Variants in DCBLD1 observed in about 807,000 individuals in gnomAD.
The protein encoded by DCBLD1 is discoidin, CUB and LCCL domain-containing protein 1.
DCBLD1 carries 57 observed loss-of-function variants against 71.5 expected under a neutral mutation model. That is an observed-to-expected ratio of 0.80 (90% CI 0.64 to 0.99). The LOEUF (loss-of-function observed/expected upper bound fraction) is 0.99. Among genes scored for constraint, DCBLD1 ranks in the 50% least tolerant of loss-of-function variants. The pLI, the probability that DCBLD1 is intolerant of heterozygous loss-of-function variation, is 0.00. For missense variants in DCBLD1, 891 were observed against 923.5 expected (o/e 0.96, Z 0.46); for synonymous variants, 380 against 363.8 (o/e 1.04, Z -0.51).
chr6:117,488,198 G>A (rs1452469859), intron 1 of DCBLD1, among the ~76,000 whole-genome samples: 1 of 152,202 alleles, frequency 6.6e-6, no homozygotes, highest in African/African-American at 2.4e-5. Flanking sequence ...GCACATAGCA[G>A]GCTCCGGGTA....
At position 117,543,152 on chromosome 6, in the gene DCBLD1, A is replaced by G. The variant is rs1049259750; in HGVS notation, c.1386A>G (p.Pro462=). The G allele has an allele frequency of 1.2e-6, 2 of 1,613,996 alleles. No individual in the cohort carries two copies. The highest frequency in any genetic ancestry group is 2.7e-5 in the African/African-American group (2 of 74,916). Residue 462 remains proline (P), a synonymous_variant, in exon 12 of 15, where the codon CCA becomes CCG. Coordinates refer to ENST00000338728, the MANE Select transcript of DCBLD1 (RefSeq NM_001366458.2). ...TAAACATTACAACGGTGGCTATTCC[A>G]TTGGTGCTCCTTGTTGTCCTGGTGT... The part of the protein sequence containing the change: ...TGINITTVAI[P]LVLLVVLVFA...
chr6:117,502,454 T>A (rs571395548), intron 1 of DCBLD1, among the ~76,000 whole-genome samples: 1 of 152,328 alleles, frequency 6.6e-6, no homozygotes, highest in East Asian at 1.9e-4. Context: ...TCAAATCTTT[T>A]TCTTTTTTCT....
At chr6:117,486,900 C>T (rs1050560530) in intron 1 of DCBLD1, among the ~76,000 whole-genome samples, 1 of 152,130 alleles carries the variant, frequency 6.6e-6, no homozygotes, top group African/African-American at 2.4e-5. Flanking sequence ...CGCCTCCTGT[C>T]AGATCAGCCG....
At chr6:117,508,578 G>T (rs370479254) in intron 2 of DCBLD1, among the ~76,000 whole-genome samples, 83 of 152,068 alleles carry the variant, frequency 5.5e-4, no homozygotes, top group African/African-American at 1.9e-3. Flanking sequence ...ACCTTGACTT[G>T]CCCTCTGGGT....
At chr6:117,541,947 CTGCTGTTGGA>C (rs1232439065) in intron 11 of DCBLD1, among the ~76,000 whole-genome samples, 1 of 152,122 alleles carries the variant, frequency 6.6e-6, no homozygotes, top group Non-Finnish European at 1.5e-5. Flanking sequence ...GACCATTCCC[CTGCTGTTGGA>C]TGCTTTAAGT....
intron 14 of DCBLD1, among the ~76,000 whole-genome samples, chr6:117,559,928 A>C (rs1779551272): frequency 6.6e-6 from 1 of 152,194 alleles, no homozygotes; most frequent in Non-Finnish European, 1.5e-5. Flanking sequence ...TTAGCACTAA[A>C]TCAAGGTTAG....
chr6:117,526,753 CT>C (rs567586317), intron 5 of DCBLD1, among the ~76,000 whole-genome samples: 266 of 152,222 alleles, frequency 1.7e-3, no homozygotes, highest in African/African-American at 6.2e-3. Flanking sequence ...GGATTAGTGC[CT>C]TTTTTGTGTA....
chr6:117,512,590 C>T (rs1407981889), intron 2 of DCBLD1, among the ~76,000 whole-genome samples: 1 of 152,152 alleles, frequency 6.6e-6, no homozygotes, highest in African/African-American at 2.4e-5. Flanking sequence ...TATCAGCATA[C>T]CTCTGAGCAC....
At chr6:117,484,320 A>AT (rs1177077988) in intron 1 of DCBLD1, among the ~76,000 whole-genome samples, 6 of 152,120 alleles carry the variant, frequency 3.9e-5, no homozygotes, top group Admixed American at 3.9e-4. Flanking sequence ...AACAAGTGTG[A>AT]TTGCTTAGAT....
At chr6:117,555,133 G>A (rs1026832177) in intron 14 of DCBLD1, among the ~76,000 whole-genome samples, 1 of 152,056 alleles carries the variant, frequency 6.6e-6, no homozygotes, top group Admixed American at 6.5e-5. Context: ...TATGGAAATT[G>A]GTTTGTTTAG....
In DCBLD1 at chr6:117,544,596, C is replaced by G. The variant is rs1165107321; in HGVS notation, c.1495+19C>G. 1.4e-5 allele frequency: 22 copies of G among 1,613,366 alleles called. No individual in the cohort carries two copies. The highest frequency in any genetic ancestry group is 2.7e-5 in the African/African-American group (2 of 74,908). On this transcript the variant is annotated intron_variant, in intron 13 of 14. Coordinates refer to ENST00000338728, the MANE Select transcript of DCBLD1 (RefSeq NM_001366458.2). ...AAAACAGGTTGGTTGAAAACTCTAT[C>G]TACAATTTTATCTGTCTTTGAGGAA...
At chr6:117,526,685 A>C (rs1445545830) in intron 5 of DCBLD1, among the ~76,000 whole-genome samples, 3 of 152,164 alleles carry the variant, frequency 2.0e-5, no homozygotes, top group African/African-American at 7.2e-5. Flanking sequence ...TTGCTTTTAG[A>C]ATGATTTTAT....
chr6:117,500,614 C>A (rs954847089), intron 1 of DCBLD1, among the ~76,000 whole-genome samples: 2 of 152,152 alleles, frequency 1.3e-5, no homozygotes, highest in African/African-American at 4.8e-5. Context: ...CGCCTGTAAT[C>A]CCAGCACTTT....
intron 2 of DCBLD1, among the ~76,000 whole-genome samples, chr6:117,507,556 T>C (rs975852571): frequency 6.6e-5 from 10 of 152,226 alleles, no homozygotes; most frequent in Non-Finnish European, 1.2e-4. Flanking sequence ...ATCATACTTT[T>C]CTTAGTAGAT....
intron 1 of DCBLD1, among the ~76,000 whole-genome samples, chr6:117,491,567 A>G (rs1582962863): frequency 6.6e-6 from 1 of 152,166 alleles, no homozygotes; most frequent in African/African-American, 2.4e-5. Flanking sequence ...CATAGCCACA[A>G]TGTTATGAGC....
intron 14 of DCBLD1, among the ~76,000 whole-genome samples, chr6:117,555,572 G>A (rs2114588435): frequency 6.6e-6 from 1 of 152,292 alleles, no homozygotes; most frequent in South Asian, 2.1e-4. Context: ...ATGCACACAA[G>A]CAAGAAATAA....
downstream of DCBLD1, among the ~76,000 whole-genome samples, chr6:117,550,098 T>C (rs1231660246): frequency 6.6e-6 from 1 of 152,236 alleles, no homozygotes; most frequent in African/African-American, 2.4e-5. Flanking sequence ...ATGTAAGCCT[T>C]CAGTGGGCTG....
chr6:117,545,954 G>A (rs1779253005), intron 14 of DCBLD1, among the ~76,000 whole-genome samples: 1 of 152,180 alleles, frequency 6.6e-6, no homozygotes, highest in Admixed American at 6.5e-5. Context: ...CCCTGAGGAA[G>A]GTGAGATAGG....
At chr6:117,558,198 A>T (rs149662315) in intron 14 of DCBLD1, among the ~76,000 whole-genome samples, 9 of 152,344 alleles carry the variant, frequency 5.9e-5, no homozygotes, top group Non-Finnish European at 1.3e-4. Flanking sequence ...TCTGAAACTC[A>T]GCAACTCTTA....
Sources: gnomAD v4.1 joint callset for allele counts (sites outside exome capture counted in the v4.1 genomes callset) on GRCh38, gnomAD v4.1.1 for gene constraint, MANE v1.5 for transcripts, NCBI Gene and HGNC (gene_info 2026-07-23, HGNC 2026-07-21) for gene names.